Variants in EVA1C observed in about 807,000 individuals in gnomAD.
EVA1C encodes the protein protein eva-1 homolog C.
A neutral mutation model predicts 45.4 loss-of-function variants in EVA1C; 25 were observed. The observed-to-expected ratio is 0.55, with a 90% confidence interval of 0.40 to 0.77. The LOEUF (loss-of-function observed/expected upper bound fraction) is 0.77, where lower values mean the gene tolerates loss of function less well. Among genes scored for constraint, EVA1C ranks in the 30% least tolerant of loss-of-function variants. The pLI is 0.00. For synonymous variants in EVA1C, 190 were observed against 221.2 expected, an observed-to-expected ratio of 0.86 and a Z score of 1.25; for missense variants, 479 against 554.8, an observed-to-expected ratio of 0.86 and a Z score of 1.37.
In EVA1C at chr21:32,507,261, C is replaced by A. The variant is rs542875863; in HGVS notation, c.949+3246C>A. Among the ~76,000 whole-genome samples, 3 of 152,332 alleles carry A rather than the reference C, an allele frequency of 2.0e-5. No homozygotes were observed. The East Asian group carries it at 5.8e-4, about 29-fold the overall frequency. On this transcript the variant is annotated intron_variant, in intron 7 of 7. Coordinates refer to ENST00000300255, the MANE Select transcript of EVA1C (RefSeq NM_058187.5). ...TTTACTGTCATTTCAATAATACAGACTTACTCCCCGAATTCATTCTAGAAT... is the reference window on the plus strand; with the variant it reads ...TTTACTGTCATTTCAATAATACAGAATTACTCCCCGAATTCATTCTAGAAT...
intron 1 of EVA1C, among the ~76,000 whole-genome samples, chr21:32,420,767 TA>T (rs1235408571): frequency 6.6e-6 from 1 of 152,232 alleles, no homozygotes; most frequent in Non-Finnish European, 1.5e-5. Context: ...TTAACTCATT[TA>T]ATCCTCCCAG....
At chr21:32,507,709 T>C (rs1310863446) in intron 7 of EVA1C, among the ~76,000 whole-genome samples, 5 of 151,716 alleles carry the variant, frequency 3.3e-5, no homozygotes, top group Admixed American at 2.0e-4. Flanking sequence ...TATGTGCACG[T>C]GTGTGTGCAT....
chr21:32,421,948 G>A (rs554016363), intron 1 of EVA1C, among the ~76,000 whole-genome samples: 13 of 149,180 alleles, frequency 8.7e-5, no homozygotes, highest in African/African-American at 2.5e-4. Context: ...GGAAGGCTGC[G>A]ACATGAGAAT....
chr21:32,514,850 G>T lies in EVA1C; in HGVS notation c.986G>T (p.Ser329Ile). The change falls in exon 8 of 8, where the codon AGT (serine) becomes ATT (isoleucine). Residue 329 changes from serine (S) to isoleucine (I), a missense_variant. Around this residue, in one of 3 missense-constraint regions of EVA1C, gnomAD observed 366 missense variants for 426.1 expected, o/e 0.86. Transcript: ENST00000300255. ...PERAALLFVS[S>I]VCIGLALTLC... ...AGAGCTGCCCTGCTGTTCGTGTCCAGTGTCTGCATCGGCCTGGCCCTCACA... is the reference window on the plus strand; with the variant it reads ...AGAGCTGCCCTGCTGTTCGTGTCCATTGTCTGCATCGGCCTGGCCCTCACA... The T allele has an allele frequency of 6.3e-7, 1 of 1,598,906 alleles. No individual in the cohort carries two copies. The highest frequency in any genetic ancestry group is 8.5e-7 in the Non-Finnish European group (1 of 1,170,922).
At chr21:32,507,834 TGTGC>T (rs2037809935) in intron 7 of EVA1C, among the ~76,000 whole-genome samples, 1 of 151,640 alleles carries the variant, frequency 6.6e-6, no homozygotes, top group South Asian at 2.1e-4. Flanking sequence ...GTTGCATGTG[TGTGC>T]ATGTGTCTGT....
intron 4 of EVA1C, among the ~76,000 whole-genome samples, chr21:32,472,676 T>A (rs916421046): frequency 5.9e-5 from 9 of 151,658 alleles, no homozygotes; most frequent in African/African-American, 2.2e-4. Flanking sequence ...AAAGAAAGTG[T>A]TAGCAGATCC....
chr21:32,504,026 G>A lies in EVA1C; in HGVS notation c.949+11G>A. On this transcript the variant is annotated intron_variant, in intron 7 of 7. Coordinates refer to ENST00000300255, the MANE Select transcript of EVA1C (RefSeq NM_058187.5). ...TTGCTTACATTAGAGGTAGGTCAAT[G>A]AATCAAAGCTTCCTAGAATGCTGAT... 6.4e-7 allele frequency: 1 copy of A among 1,566,356 alleles called. No homozygotes were observed.
intron 4 of EVA1C, among the ~76,000 whole-genome samples, chr21:32,484,173 A>G (rs574053760): frequency 6.6e-6 from 1 of 152,066 alleles, no homozygotes; most frequent in South Asian, 2.1e-4. Context: ...TCCCCAGGGT[A>G]CCTCCTCCAA....
intron 1 of EVA1C, among the ~76,000 whole-genome samples, chr21:32,422,620 A>G (rs2034324277): frequency 6.6e-6 from 1 of 152,226 alleles, no homozygotes; most frequent in Non-Finnish European, 1.5e-5. Flanking sequence ...TTTGCTACAA[A>G]AACAGTGGGA....
intron 3 of EVA1C, among the ~76,000 whole-genome samples, chr21:32,466,484 C>T (rs2036179740): frequency 6.8e-6 from 1 of 146,436 alleles, no homozygotes; most frequent in Admixed American, 7.1e-5. Flanking sequence ...TTTTGGAGTA[C>T]ATTCTTTAAA....
At chr21:32,495,962 AT>A (rs1404060015) in intron 5 of EVA1C, among the ~76,000 whole-genome samples, 1 of 152,214 alleles carries the variant, frequency 6.6e-6, no homozygotes, top group Non-Finnish European at 1.5e-5. Context: ...ATTCCTAGCC[AT>A]TTTATGTCTG....
intron 5 of EVA1C, among the ~76,000 whole-genome samples, chr21:32,500,725 T>G (rs1341184649): frequency 6.6e-6 from 1 of 151,772 alleles, no homozygotes; most frequent in African/African-American, 2.4e-5. Flanking sequence ...ATGGATGGTT[T>G]TGTGTGTGTG....
chr21:32,473,051 C>T (rs1273063419), intron 4 of EVA1C, among the ~76,000 whole-genome samples: 1 of 152,258 alleles, frequency 6.6e-6, no homozygotes, highest in Admixed American at 6.5e-5. Flanking sequence ...GTGCCCTGTT[C>T]ATCAGGTCCT....
chr21:32,450,265 G>A (rs150820172), intron 1 of EVA1C, among the ~76,000 whole-genome samples: 2,336 of 148,004 alleles, frequency 0.016, 66 homozygotes, highest in African/African-American at 0.054. Context: ...TGGTCTAAAC[G>A]CAGCAAAAGT....
chr21:32,457,748 G>T, intron 3 of EVA1C, 28 bp downstream of exon 3: 1 of 1,613,404 alleles, frequency 6.2e-7, no homozygotes, highest in Non-Finnish European at 8.5e-7. Context: ...GGGACAGTGT[G>T]TTTGGGGTGT....
At chr21:32,442,897 GA>G (rs1259521268) in intron 1 of EVA1C, among the ~76,000 whole-genome samples, 8 of 151,464 alleles carry the variant, frequency 5.3e-5, no homozygotes, top group Admixed American at 4.6e-4. Flanking sequence ...AGAAAAGAAA[GA>G]GAGGAAAATG....
intron 6 of EVA1C, 26 bp from the exon 7 acceptor site, chr21:32,503,900 T>A: frequency 6.5e-7 from 1 of 1,547,484 alleles, no homozygotes. Context: ...CTGTGATTAA[T>A]TGGTCTTGCA....
chr21:32,437,880 G>A (rs1401533413), intron 1 of EVA1C, among the ~76,000 whole-genome samples: 3 of 152,134 alleles, frequency 2.0e-5, no homozygotes, highest in Admixed American at 6.5e-5. Context: ...AGGAGCGAGC[G>A]CTTTTGCTCT....
intron 1 of EVA1C, among the ~76,000 whole-genome samples, chr21:32,448,328 T>G (rs994553288): frequency 1.3e-5 from 2 of 152,192 alleles, no homozygotes; most frequent in African/African-American, 4.8e-5. Flanking sequence ...CTTTCTTTAT[T>G]GTTTAAAAGT....
Sources: allele counts gnomAD v4.1 joint callset (sites outside exome capture counted in the v4.1 genomes callset), GRCh38; gene constraint gnomAD v4.1.1; regional missense constraint gnomAD v4.1.1; transcripts MANE v1.5; gene names NCBI Gene and HGNC (gene_info 2026-07-23, HGNC 2026-07-21).